The following SPTLC2 variants were observed in gnomAD, a reference collection of about 807,000 sequenced individuals.
SPTLC2 encodes serine palmitoyltransferase long chain base subunit 2, also known as serine palmitoyltransferase 2.
In SPTLC2, 21 loss-of-function variants were observed where a neutral mutation model predicts 62.0. The observed-to-expected ratio is 0.34, with a 90% CI of 0.24 to 0.49. The LOEUF (loss-of-function observed/expected upper bound fraction) is 0.49, where lower values mean the gene tolerates loss of function less well. SPTLC2 is among the 20% of genes least tolerant of loss of function. The probability of loss-of-function intolerance (pLI) is 0.99; values close to 1 mark genes in which losing one functional copy is unlikely to be tolerated. For synonymous variants in SPTLC2, 261 were observed against 261.8 expected, an observed-to-expected ratio of 1.00 and a Z score of 0.03; for missense variants, 511 against 713.0, an observed-to-expected ratio of 0.72 and a Z score of 3.23.
intron 7 of SPTLC2, 36 bp from the exon 8 acceptor site, chr14:77,555,555 T>A: frequency 5.7e-6 from 9 of 1,587,138 alleles, no homozygotes; most frequent in Non-Finnish European, 7.8e-6. Context: ...TATACACATA[T>A]ACACTGAGAC....
chr14:77,512,573 T>C (rs2139989278), intron 11 of SPTLC2, among the ~76,000 whole-genome samples, 170 bp from the exon 12 acceptor site: 1 of 152,362 alleles, frequency 6.6e-6, no homozygotes, highest in Middle Eastern at 3.4e-3. Context: ...AGCTGCTTTT[T>C]GAACAAGGCC....
At chr14:77,555,759 G>A (rs920186656) in intron 7 of SPTLC2, among the ~76,000 whole-genome samples, 1 of 151,946 alleles carries the variant, frequency 6.6e-6, no homozygotes, top group African/African-American at 2.4e-5. Context: ...GGGACTAGAG[G>A]TGCCCGCCAC....
At chr14:77,560,359 G>T (rs1654835450) in intron 6 of SPTLC2, among the ~76,000 whole-genome samples, 1 of 152,196 alleles carries the variant, frequency 6.6e-6, no homozygotes, top group African/African-American at 2.4e-5. Flanking sequence ...GCCAAGGTGG[G>T]TGGATTGCTT....
At chr14:77,567,967 T>C (rs1431602729) in intron 5 of SPTLC2, among the ~76,000 whole-genome samples, 1 of 152,168 alleles carries the variant, frequency 6.6e-6, no homozygotes, top group Non-Finnish European at 1.5e-5. Context: ...ATTTGCATTA[T>C]ATTTACTGGT....
chr14:77,531,140 C>T (rs2079436412), intron 9 of SPTLC2, among the ~76,000 whole-genome samples: 1 of 152,150 alleles, frequency 6.6e-6, no homozygotes, highest in African/African-American at 2.4e-5. Flanking sequence ...AGAGGGCACC[C>T]TGCAAAATTT....
At chr14:77,546,565 T>A (rs1378513106) in intron 9 of SPTLC2, among the ~76,000 whole-genome samples, 1 of 151,994 alleles carries the variant, frequency 6.6e-6, no homozygotes, top group Non-Finnish European at 1.5e-5. Flanking sequence ...AAGGAAGAAT[T>A]TATCTGTGCC....
At chr14:77,549,120 G>A (rs1245822549) in intron 9 of SPTLC2, among the ~76,000 whole-genome samples, 3 of 151,720 alleles carry the variant, frequency 2.0e-5, no homozygotes, top group Non-Finnish European at 2.9e-5. Flanking sequence ...GAGGATCCTC[G>A]TGAATGGCTT....
chr14:77,561,776 C>T (rs2079616438), intron 6 of SPTLC2, among the ~76,000 whole-genome samples: 1 of 152,172 alleles, frequency 6.6e-6, no homozygotes, highest in South Asian at 2.1e-4. Context: ...TTTTGGTATA[C>T]ATTCTTCCAA....
At chr14:77,547,146 T>G (rs2079532769) in intron 9 of SPTLC2, among the ~76,000 whole-genome samples, 1 of 151,590 alleles carries the variant, frequency 6.6e-6, no homozygotes, top group Non-Finnish European at 1.5e-5. Flanking sequence ...ATTACAGGTG[T>G]GAGCCATCGC....
At chr14:77,538,147 C>A (rs2079480475) in intron 9 of SPTLC2, among the ~76,000 whole-genome samples, 1 of 152,182 alleles carries the variant, frequency 6.6e-6, no homozygotes, top group Non-Finnish European at 1.5e-5. Context: ...ATATATTTTA[C>A]CCTCTACGAT....
At chr14:77,564,308 G>A (rs1249711519) in intron 5 of SPTLC2, among the ~76,000 whole-genome samples, 1 of 147,546 alleles carries the variant, frequency 6.8e-6, no homozygotes, top group African/African-American at 2.6e-5. Context: ...GGAGGAGAAG[G>A]AGGAGAAGGA....
chr14:77,516,715 T>G (rs966016090), intron 11 of SPTLC2, among the ~76,000 whole-genome samples: 1 of 152,188 alleles, frequency 6.6e-6, no homozygotes, highest in African/African-American at 2.4e-5. Flanking sequence ...CTCACAACAC[T>G]GTGCCTATAG....
intron 10 of SPTLC2, among the ~76,000 whole-genome samples, chr14:77,519,259 C>T (rs1212649761): frequency 1.3e-5 from 2 of 151,924 alleles, no homozygotes; most frequent in East Asian, 3.9e-4. Flanking sequence ...AGGATGGTCT[C>T]GATCTCCTGA....
chr14:77,616,482 C>T lies in SPTLC2; in HGVS notation c.98G>A (p.Ser33Asn). 6.6e-7 allele frequency: 1 copy of T among 1,522,968 alleles called. No homozygotes were observed. Among genetic ancestry groups the T allele is most frequent in the Non-Finnish European group, 8.8e-7 (1 of 1,141,708 alleles). 94.3% of individuals were successfully genotyped at this position (1,522,968 alleles called of 1,614,324 possible). Residue 33 changes from serine (S) to asparagine (N), a missense_variant, in exon 1 of 12, where the codon AGC becomes AAC. Physicochemically the swap from Ser to Asn is conservative, Grantham distance 46. Transcript: ENST00000216484. ...GEVRNGYVRS[S>N]AAAAAAAAAG... ...GGCGGCTGCGGCTGCGGCTGCAGCG[C>T]TGCTCCTCACGTACCCGTTCCGTAC...
At chr14:77,604,781 T>G (rs1406423593) in intron 1 of SPTLC2, among the ~76,000 whole-genome samples, 2 of 150,312 alleles carry the variant, frequency 1.3e-5, no homozygotes, top group African/African-American at 4.9e-5. Context: ...GCAGGAGAAT[T>G]GCTTGAACCT....
chr14:77,533,397 T>C (rs1346765700), intron 9 of SPTLC2, among the ~76,000 whole-genome samples: 1 of 151,822 alleles, frequency 6.6e-6, no homozygotes, highest in Non-Finnish European at 1.5e-5. Context: ...AATAATATGC[T>C]CTCTAGGATG....
intron 9 of SPTLC2, among the ~76,000 whole-genome samples, chr14:77,543,198 C>T (rs189844573): frequency 4.6e-5 from 7 of 152,292 alleles, no homozygotes; most frequent in Admixed American, 4.6e-4. Flanking sequence ...TACAGGCGTG[C>T]ACCACCACAC....
intron 11 of SPTLC2, 101 bp from the exon 12 acceptor site, chr14:77,512,504 T>C: frequency 1.3e-6 from 2 of 1,555,706 alleles, no homozygotes; most frequent in South Asian, 2.3e-5. Context: ...AGATTATCCT[T>C]CGGCAGGACT....
intron 10 of SPTLC2, among the ~76,000 whole-genome samples, chr14:77,518,815 G>A (rs1594967696): frequency 1.3e-5 from 2 of 152,126 alleles, no homozygotes; most frequent in African/African-American, 2.4e-5. Context: ...CAGATCACAC[G>A]TTTCTTTAAT....
Sources: gnomAD v4.1 joint callset for allele counts (sites outside exome capture counted in the v4.1 genomes callset) on GRCh38, gnomAD v4.1.1 for gene constraint, MANE v1.5 for transcripts, NCBI Gene and HGNC (gene_info 2026-07-23, HGNC 2026-07-21) for gene names.